Variants in NBEA observed in about 807,000 individuals in gnomAD.
NBEA encodes lysosomal-trafficking regulator 2.
Under a neutral mutation model 343.4 loss-of-function variants are expected in NBEA, and 44 were observed. The ratio of observed to expected loss-of-function variants is 0.13; its 90% CI spans 0.10 to 0.16. The LOEUF (loss-of-function observed/expected upper bound fraction) is 0.16, where lower values mean the gene tolerates loss of function less well. NBEA is among the 10% of genes least tolerant of loss of function. The probability of loss-of-function intolerance (pLI) is 1.00; values close to 1 mark genes in which losing one functional copy is unlikely to be tolerated. For synonymous variants in NBEA, 1,175 were observed against 1,238.7 expected, an observed-to-expected ratio of 0.95 and a Z score of 1.08; for missense variants, 2,555 against 3,631.3, an observed-to-expected ratio of 0.70 and a Z score of 7.62.
intron 38 of NBEA, among the ~76,000 whole-genome samples, chr13:35,411,593 A>T (rs2043589364): frequency 6.6e-6 from 1 of 151,970 alleles, no homozygotes; most frequent in African/African-American, 2.4e-5. Context: ...AATAGCTGGG[A>T]CCACAGACAT....
intron 1 of NBEA, among the ~76,000 whole-genome samples, chr13:35,024,255 A>G (rs1206856787): frequency 6.6e-6 from 1 of 152,158 alleles, no homozygotes; most frequent in East Asian, 1.9e-4. Context: ...TGAGCACTGC[A>G]TTGATTGCAT....
intron 1 of NBEA, among the ~76,000 whole-genome samples, chr13:35,031,503 T>C (rs2062217049): frequency 6.6e-6 from 1 of 151,312 alleles, no homozygotes. Flanking sequence ...CTTTTTTTCT[T>C]TTTTTTTAAT....
intron 45 of NBEA, among the ~76,000 whole-genome samples, chr13:35,571,557 A>G (rs1040851515): frequency 6.6e-6 from 1 of 152,228 alleles, no homozygotes; most frequent in African/African-American, 2.4e-5. Flanking sequence ...AAAGTAGTTA[A>G]GGCACCTAGT....
intron 51 of NBEA, among the ~76,000 whole-genome samples, chr13:35,648,571 T>C (rs1027118329): frequency 6.6e-6 from 1 of 152,154 alleles, no homozygotes; most frequent in South Asian, 2.1e-4. Flanking sequence ...AGAGACTGAA[T>C]TGGCATGAAA....
intron 36 of NBEA, among the ~76,000 whole-genome samples, chr13:35,316,708 A>G (rs1328453477): frequency 1.3e-5 from 2 of 152,140 alleles, no homozygotes; most frequent in Non-Finnish European, 2.9e-5. Context: ...TGGTCAAACT[A>G]ATTTACACTC....
At chr13:35,364,498 TAAG>T (rs2040992934) in intron 38 of NBEA, among the ~76,000 whole-genome samples, 1 of 151,840 alleles carries the variant, frequency 6.6e-6, no homozygotes, top group Admixed American at 6.6e-5. Context: ...AGCAGAAAAT[TAAG>T]AAGTTAAGGA....
At chr13:35,670,472 G>A (rs1468331214) in intron 58 of NBEA, among the ~76,000 whole-genome samples, 1 of 152,180 alleles carries the variant, frequency 6.6e-6, no homozygotes, top group Non-Finnish European at 1.5e-5. Context: ...GGAGACTGTG[G>A]ACCGAGAGGA....
intron 1 of NBEA, among the ~76,000 whole-genome samples, chr13:34,997,406 A>G (rs1335114302): frequency 2.6e-5 from 4 of 152,174 alleles, no homozygotes; most frequent in South Asian, 2.1e-4. Context: ...TCCATTGCAC[A>G]TTGATATATG....
At chr13:35,005,808 G>A (rs1330853672) in intron 1 of NBEA, among the ~76,000 whole-genome samples, 1 of 152,180 alleles carries the variant, frequency 6.6e-6, no homozygotes, top group African/African-American at 2.4e-5. Flanking sequence ...AAAAGACAGA[G>A]ATTAGAAAAG....
At chr13:35,178,199 A>G (rs1040579990) in intron 28 of NBEA, among the ~76,000 whole-genome samples, 10 of 151,754 alleles carry the variant, frequency 6.6e-5, no homozygotes, top group Non-Finnish European at 1.2e-4. Context: ...TGCTCTGTCA[A>G]ATATCACTGG....
chr13:35,643,247 C>T (rs2084055660), intron 49 of NBEA, among the ~76,000 whole-genome samples: 1 of 152,008 alleles, frequency 6.6e-6, no homozygotes, highest in South Asian at 2.1e-4. Context: ...AACCTATTCC[C>T]CTTCCCCTCT....
At chr13:35,259,545 C>G (rs1296698734) in intron 34 of NBEA, among the ~76,000 whole-genome samples, 3 of 151,968 alleles carry the variant, frequency 2.0e-5, no homozygotes, top group African/African-American at 7.2e-5. Context: ...ATGATAGATT[C>G]TATTTTCACA....
At chr13:35,367,647 C>T (rs903222392) in intron 38 of NBEA, among the ~76,000 whole-genome samples, 2 of 150,868 alleles carry the variant, frequency 1.3e-5, no homozygotes, top group African/African-American at 4.9e-5. Context: ...ATAAAGATAC[C>T]ATTCAGAGCT....
At chr13:35,274,092 A>G (rs2034398324) in intron 34 of NBEA, among the ~76,000 whole-genome samples, 1 of 152,226 alleles carries the variant, frequency 6.6e-6, no homozygotes, top group Admixed American at 6.5e-5. Flanking sequence ...ATCCTGATGA[A>G]CATCAACGCA....
chr13:34,996,986 A>G (rs1374992204), intron 1 of NBEA, among the ~76,000 whole-genome samples: 1 of 152,086 alleles, frequency 6.6e-6, no homozygotes, highest in Non-Finnish European at 1.5e-5. Flanking sequence ...AGATCACTGG[A>G]TTAGTCAGGA....
At chr13:35,659,437 A>G (rs1349548187) in intron 55 of NBEA, among the ~76,000 whole-genome samples, 4 of 152,272 alleles carry the variant, frequency 2.6e-5, no homozygotes, top group Non-Finnish European at 5.9e-5. Flanking sequence ...ATATTGTAAT[A>G]GATAGCTCTA....
chr13:35,613,608 T>TTTTGTTTG (rs139946725), intron 48 of NBEA, among the ~76,000 whole-genome samples: 9 of 150,958 alleles, frequency 6.0e-5, no homozygotes, highest in African/African-American at 2.0e-4. Flanking sequence ...TTTTAGTTGT[T>TTTTGTTTG]TTTGTTTGTT....
chr13:35,039,625 T>C (rs1199496867), intron 1 of NBEA, among the ~76,000 whole-genome samples: 1 of 152,196 alleles, frequency 6.6e-6, no homozygotes, highest in East Asian at 1.9e-4. Context: ...AATAATAGTG[T>C]CATAATAGAT....
At chr13:35,091,115 A>G (rs1208010973) in intron 10 of NBEA, among the ~76,000 whole-genome samples, 2 of 151,964 alleles carry the variant, frequency 1.3e-5, no homozygotes, top group Admixed American at 6.6e-5. Context: ...ATGGAAGGCT[A>G]TAGAAGCCAA....
Sources: gnomAD v4.1 joint callset for allele counts (sites outside exome capture counted in the v4.1 genomes callset) on GRCh38, gnomAD v4.1.1 for gene constraint, MANE v1.5 for transcripts, NCBI Gene and HGNC (gene_info 2026-07-23, HGNC 2026-07-21) for gene names.